The following GCN1 variants were observed in gnomAD, a reference collection of about 807,000 sequenced individuals.
GCN1 encodes the protein GCN1 activator of EIF2AK4, also known as stalled ribosome sensor GCN1.
GCN1 carries 90 observed loss-of-function variants against 288.4 expected under a neutral mutation model. The ratio of observed to expected loss-of-function variants is 0.31; its 90% CI spans 0.26 to 0.37. The LOEUF (loss-of-function observed/expected upper bound fraction) is 0.37. Among genes scored for constraint, GCN1 ranks in the 10% least tolerant of loss-of-function variants. The pLI is 1.00. For missense variants in GCN1, 2,586 were observed against 3,419.9 expected, an observed-to-expected ratio of 0.76 and a Z score of 6.08; for synonymous variants, 1,386 against 1,420.2, an observed-to-expected ratio of 0.98 and a Z score of 0.54.
At chr12:120,185,724 A>T (rs1301949691) in intron 2 of GCN1, among the ~76,000 whole-genome samples, 2 of 151,996 alleles carry the variant, frequency 1.3e-5, no homozygotes, top group African/African-American at 4.8e-5. Context: ...CCTCAGCCAC[A>T]TGAGTAGCTG....
At chr12:120,150,796 G>C (rs1463690603) in intron 34 of GCN1, among the ~76,000 whole-genome samples, 1 of 152,000 alleles carries the variant, frequency 6.6e-6, no homozygotes, top group Non-Finnish European at 1.5e-5. Flanking sequence ...AATTAGCCGG[G>C]CGTGGTGGCG....
intron 2 of GCN1, among the ~76,000 whole-genome samples, chr12:120,188,440 G>A (rs201966553): frequency 0.022 from 2,540 of 114,748 alleles, no homozygotes; most frequent in Non-Finnish European, 0.024. Context: ...TCTCACCAAA[G>A]AAAAAAAAAA....
rs1379757671 is a variant in GCN1, at chr12:120,170,416, A to G, written c.1367-95T>C. ...TATCTAACCAGCTGTGAACCAGACG[A>G]CTAAAACCCTTCAGTTAATTTTTCA... On this transcript the variant is annotated intron_variant, in intron 14 of 57. Transcript: ENST00000300648. 4 of 1,068,140 alleles carry G rather than the reference A, an allele frequency of 3.7e-6. No homozygotes were observed. The South Asian group carries it at 4.4e-5, about 12-fold the overall frequency. The allele number at this position is 1,068,140 out of a possible 1,614,324, so 66.2% of individuals were successfully genotyped here.
In GCN1 at chr12:120,163,224, T is replaced by C; in HGVS notation, c.1884A>G (p.Gly628=). The change falls in exon 19 of 58, where the codon GGA becomes GGG. Residue 628 remains glycine, a synonymous_variant. Coordinates refer to ENST00000300648, the MANE Select transcript of GCN1 (RefSeq NM_006836.2). Reference sequence around the variant, plus strand: ...AGGCCTTGCCTGCCTCAGTCACCTCTCCAGCATCAGTCACCAAAGCCTCTA... The same window carrying C: ...AGGCCTTGCCTGCCTCAGTCACCTCCCCAGCATCAGTCACCAAAGCCTCTA... ...LPLEALVTDA[G]EVTEAGKAYV... 1 of 1,614,080 alleles carries C rather than the reference T, an allele frequency of 6.2e-7. No homozygotes were observed. The highest frequency in any genetic ancestry group is 8.5e-7 in the Non-Finnish European group (1 of 1,179,970).
Position 120,158,630 on chromosome 12 carries a change from A to T in GCN1, c.2750-15T>A, listed in dbSNP as rs1191230815. The T allele has an allele frequency of 6.3e-7, 1 of 1,593,578 alleles. No individual in the cohort carries two copies. The highest frequency in any genetic ancestry group is 2.2e-5 in the East Asian group (1 of 44,478). Reference sequence around the variant, plus strand: ...CACCAAAGTGCCTGTGTTGAAGAGGAGAGACCCAGCAGGAGATGACACACA... The same window carrying T: ...CACCAAAGTGCCTGTGTTGAAGAGGTGAGACCCAGCAGGAGATGACACACA... On this transcript the variant is annotated splice_polypyrimidine_tract_variant and intron_variant, in intron 24 of 57. Transcript: ENST00000300648. The surrounding 1 kb of genome is among the most constrained non-coding windows in gnomAD (Gnocchi z 4.3).
At chr12:120,162,711 C>G (rs1169286821) in intron 20 of GCN1, 136 bp downstream of exon 20, 6 of 975,018 alleles carry the variant, frequency 6.2e-6, no homozygotes, top group Non-Finnish European at 9.2e-6. Flanking sequence ...GTTTACATTT[C>G]TGTCACGTGC....
At chr12:120,176,760 A>C (rs1594285239) in intron 9 of GCN1, among the ~76,000 whole-genome samples, 1 of 151,818 alleles carries the variant, frequency 6.6e-6, no homozygotes, top group East Asian at 1.9e-4. Context: ...AAGACAGCCC[A>C]TGACTTTTTC....
At position 120,153,756 on chromosome 12, in the gene GCN1, G is replaced by A; in HGVS notation, c.3855C>T (p.Asn1285=). Residue 1285 remains asparagine (N), a synonymous_variant, in exon 32 of 58, where the codon AAC becomes AAT. Coordinates refer to ENST00000300648, the MANE Select transcript of GCN1 (RefSeq NM_006836.2). The surrounding 1 kb of genome is among the most constrained non-coding windows in gnomAD (Gnocchi z 4.4). ...CMLDAALATL[N]THGKENVNSL... ...GGGACCCCCTTACCTTCCCATGAGT[G>A]TTGAGCGTTGCGAGGGCTGCATCCA... 6.2e-7 allele frequency: 1 copy of A among 1,614,032 alleles called. No homozygotes were observed. Among genetic ancestry groups the A allele is most frequent in the Non-Finnish European group, 8.5e-7 (1 of 1,179,902 alleles).
Position 120,148,198 on chromosome 12 carries a change from G to C in GCN1, c.4695C>G (p.Ile1565Met). ...TCTCCGGGTTCCTGATAACGGAGCC[G>C]ATCTGCCTGAGCGCCTGCTGTCCAG... ...QKAGQQALRQ[I>M]GSVIRNPEIL... is the part of the protein sequence containing the mutation. The change falls in exon 37 of 58, where the codon ATC (isoleucine) becomes ATG (methionine). Residue 1565 changes from isoleucine (I) to methionine (M), a missense_variant. Physicochemically the swap from Ile to Met is conservative, Grantham distance 10. Transcript: ENST00000300648. The C allele has an allele frequency of 6.2e-7, 1 of 1,613,800 alleles. No homozygotes were observed. The highest frequency in any genetic ancestry group is 8.5e-7 in the Non-Finnish European group (1 of 1,179,862).
chr12:120,152,870 A>G (rs1231166577), intron 33 of GCN1, among the ~76,000 whole-genome samples: 1 of 152,010 alleles, frequency 6.6e-6, no homozygotes, highest in African/African-American at 2.4e-5. Flanking sequence ...TTCCCAGTGC[A>G]CGTTAGTGAA....
At position 120,149,970 on chromosome 12, in the gene GCN1, C is replaced by A; in HGVS notation, c.4383G>T (p.Leu1461=). The A allele has an allele frequency of 6.2e-7, 1 of 1,614,042 alleles. No individual in the cohort carries two copies. The highest frequency in any genetic ancestry group is 1.1e-5 in the South Asian group (1 of 91,086). ...CCCCAAAGCACAGGAGCAGATGGGG[C>A]AGCACGTGAACCACATACGGCTCAA... is the stretch of plus-strand genomic sequence containing the variant. ...KLFEPYVVHV[L]PHLLLCFGDG... The change falls in exon 35 of 58, where the codon CTG becomes CTT. Residue 1461 remains leucine, a synonymous_variant. Transcript: ENST00000300648.
At chr12:120,128,338 CTTTT>C (rs111527973) in intron 57 of GCN1, among the ~76,000 whole-genome samples, 2 of 141,396 alleles carry the variant, frequency 1.4e-5, no homozygotes, top group Non-Finnish European at 3.1e-5. Flanking sequence ...AGCTTTTGGG[CTTTT>C]TTTTTTTTTG....
At chr12:120,128,846 T>C (rs1798153148) in intron 57 of GCN1, among the ~76,000 whole-genome samples, 1 of 144,952 alleles carries the variant, frequency 6.9e-6, no homozygotes, top group South Asian at 2.3e-4. Context: ...TCTTTTTTTT[T>C]TTTTTTTTTT....
intron 1 of GCN1, among the ~76,000 whole-genome samples, chr12:120,191,677 T>G (rs1198221053): frequency 1.3e-5 from 2 of 152,214 alleles, no homozygotes; most frequent in Non-Finnish European, 2.9e-5. Context: ...TCTACATAAA[T>G]AATGTAGTTT....
intron 15 of GCN1, among the ~76,000 whole-genome samples, chr12:120,169,276 C>CAAAAAAAAAAAAAAAA (rs35819206): frequency 2.7e-4 from 18 of 66,578 alleles, no homozygotes; most frequent in African/African-American, 4.7e-4. Context: ...AACTCCGTCT[C>CAAAAAAAAAAAAAAAA]AAAAAAAAAA....
intron 16 of GCN1, among the ~76,000 whole-genome samples, chr12:120,165,454 G>A (rs1178471401): frequency 6.6e-6 from 1 of 152,038 alleles, no homozygotes; most frequent in Non-Finnish European, 1.5e-5. Flanking sequence ...ACAGGCGTGA[G>A]CCACCGCACC....
chr12:120,137,159 A>G lies in GCN1; in HGVS notation c.6777+47T>C, dbSNP rs760191989. 4.3e-6 allele frequency: 6 copies of G among 1,381,952 alleles called. No individual in the cohort carries two copies. The highest frequency in any genetic ancestry group is 6.2e-6 in the Non-Finnish European group (6 of 969,546). The allele number at this position is 1,381,952 out of a possible 1,614,324, so 85.6% of individuals were successfully genotyped here. On this transcript the variant is annotated intron_variant, in intron 50 of 57. Transcript: ENST00000300648. This position sits in a 1 kb window ranked among gnomAD's most constrained non-coding sequence, Gnocchi z 5.2. The stretch of plus-strand genomic sequence containing the variant: ...GGACAGGGGTAAGGGCCAGAAGGGC[A>G]CAACAGACTGCACGCCCACAGCCCC...
Position 120,137,883 on chromosome 12 carries a change from A to T in GCN1, c.6393+18T>A. The T allele has an allele frequency of 6.2e-7, 1 of 1,613,704 alleles. No individual in the cohort carries two copies. Among genetic ancestry groups the T allele is most frequent in the Non-Finnish European group, 8.5e-7 (1 of 1,179,610 alleles). ...GGCAGACGGGACATGAGAAAGCAGG[A>T]GCAGGCTCGCCCCTTACCAGCTGCT... On this transcript the variant is annotated intron_variant, in intron 48 of 57. Coordinates refer to ENST00000300648, the MANE Select transcript of GCN1 (RefSeq NM_006836.2). This position sits in a 1 kb window ranked among gnomAD's most constrained non-coding sequence, Gnocchi z 5.2.
At chr12:120,145,571 A>G (rs893764585) in intron 38 of GCN1, among the ~76,000 whole-genome samples, 10 of 152,184 alleles carry the variant, frequency 6.6e-5, no homozygotes, top group African/African-American at 2.4e-4. Flanking sequence ...CCCATCCTCA[A>G]CAAACAGGAG....
Sources: gnomAD v4.1 joint callset for allele counts (sites outside exome capture counted in the v4.1 genomes callset) on GRCh38, gnomAD v4.1.1 for gene constraint, Gnocchi (gnomAD v3.1) non-coding constraint, MANE v1.5 for transcripts, NCBI Gene and HGNC (gene_info 2026-07-23, HGNC 2026-07-21) for gene names.